The following LGSN variants were observed in gnomAD, a reference collection of about 807,000 sequenced individuals.
LGSN encodes lengsin, lens protein with glutamine synthetase domain.
Under a neutral mutation model 19.5 loss-of-function variants are expected in LGSN, and 21 were observed. That is an observed-to-expected ratio of 1.07 (90% confidence interval 0.76 to 1.55). The LOEUF is 1.55. Among genes scored for constraint, LGSN ranks in the 40% most tolerant of loss-of-function variants. The probability of loss-of-function intolerance (pLI) is 0.00; values close to 1 mark genes in which losing one functional copy is unlikely to be tolerated. For synonymous variants in LGSN, 257 were observed against 215.6 expected (o/e 1.19, Z -1.68); for missense variants, 673 against 608.5 (o/e 1.11, Z -1.12).
the LGSN span, among the ~76,000 whole-genome samples, chr6:63,415,072 CTT>C: frequency 6.6e-6 from 1 of 152,214 alleles, no homozygotes; most frequent in South Asian, 2.1e-4. Context: ...AATTCCAACA[CTT>C]TGGGAGGCTG....
At chr6:63,445,415 C>A in the LGSN span, among the ~76,000 whole-genome samples, 1 of 151,958 alleles carries the variant, frequency 6.6e-6, no homozygotes, top group African/African-American at 2.4e-5. Flanking sequence ...GTCAGGAGCT[C>A]GCGACCAGCC....
intron 1 of LGSN, among the ~76,000 whole-genome samples, chr6:63,307,419 A>G (rs1408889846): frequency 3.3e-5 from 5 of 152,182 alleles, no homozygotes; most frequent in Admixed American, 6.5e-5. Flanking sequence ...CTGGGGTGCT[A>G]GGAAGCTGTA....
chr6:63,342,897 CATTAACCAT>C, the LGSN span, among the ~76,000 whole-genome samples: 1 of 152,156 alleles, frequency 6.6e-6, no homozygotes, highest in African/African-American at 2.4e-5. Context: ...TCACACTGAC[CATTAACCAT>C]ATGGGAGTCA....
chr6:63,384,708 G>A, the LGSN span, among the ~76,000 whole-genome samples: 3 of 152,056 alleles, frequency 2.0e-5, no homozygotes, highest in Non-Finnish European at 4.4e-5. Context: ...GTAGAGACAG[G>A]GTTTCACCAT....
the LGSN span, among the ~76,000 whole-genome samples, chr6:63,392,915 C>CTTTTTTT: frequency 8.9e-6 from 1 of 111,762 alleles, no homozygotes; most frequent in African/African-American, 3.7e-5. Context: ...GATATGGAGT[C>CTTTTTTT]TTGCTCTGTC....
chr6:63,367,756 C>T, the LGSN span, among the ~76,000 whole-genome samples: 1 of 150,178 alleles, frequency 6.7e-6, no homozygotes, highest in East Asian at 1.9e-4. Flanking sequence ...GAATACTATG[C>T]AGCCATAAAA....
chr6:63,423,881 T>C, the LGSN span, among the ~76,000 whole-genome samples: 1 of 151,718 alleles, frequency 6.6e-6, no homozygotes, highest in Non-Finnish European at 1.5e-5. Flanking sequence ...CTACTAAAAA[T>C]ACAAAAAAAT....
chr6:63,321,345 A>C (rs1315498084), upstream of LGSN, among the ~76,000 whole-genome samples: 1 of 152,188 alleles, frequency 6.6e-6, no homozygotes, highest in Non-Finnish European at 1.5e-5. Context: ...TTGTTTCAGA[A>C]ATGTTCCCTT....
At chr6:63,541,532 G>A in the LGSN span, among the ~76,000 whole-genome samples, 3 of 152,100 alleles carry the variant, frequency 2.0e-5, no homozygotes, top group African/African-American at 4.8e-5. Flanking sequence ...CAGCCTGGGC[G>A]ACCTTGTCTC....
chr6:63,318,034 GAAGT>G (rs1351013337), intron 1 of LGSN, among the ~76,000 whole-genome samples: 2 of 149,106 alleles, frequency 1.3e-5, no homozygotes, highest in African/African-American at 2.6e-5. Flanking sequence ...TCTACTTTAA[GAAGT>G]AAGAATGTGT....
At chr6:63,483,857 CATCTACTCTGAGAATCT>C in the LGSN span, among the ~76,000 whole-genome samples, 1 of 151,148 alleles carries the variant, frequency 6.6e-6, no homozygotes, top group Non-Finnish European at 1.5e-5. Context: ...CTCACTCTGT[CATCTACTCTGAGAATCT>C]TTAAAGAAGT....
chr6:63,495,469 T>TTTTGTTTTTTG, the LGSN span, among the ~76,000 whole-genome samples: 1 of 119,306 alleles, frequency 8.4e-6, no homozygotes, highest in Non-Finnish European at 1.6e-5. Context: ...TTTTTTTTTT[T>TTTTGTTTTTTG]TTTTTTTGAG....
In LGSN at chr6:63,280,272, C is replaced by T. The variant is rs775824383; in HGVS notation, c.1279G>A (p.Gly427Ser). The T allele has an allele frequency of 1.5e-5, 25 of 1,614,050 alleles. No individual in the cohort carries two copies. The highest frequency in any genetic ancestry group is 2.7e-5 in the African/African-American group (2 of 74,916). ...YLVLAATVAA[G>S]LDGLHSSNEV... ...TTACTGCTATGAAGTCCATCTAAGC[C>T]GGCAGCAACAGTTGCAGCCAGCACC... The change falls in exon 4 of 4, where the codon GGC (glycine) becomes AGC (serine). Residue 427 changes from glycine (G) to serine (S), a missense_variant. Physicochemically the swap from Gly to Ser is moderately conservative, Grantham distance 56 (BLOSUM62 0). Transcript: ENST00000370657.
chr6:63,559,752 G>GA, the LGSN span, among the ~76,000 whole-genome samples: 327 of 147,428 alleles, frequency 2.2e-3, no homozygotes, highest in Middle Eastern at 0.01. Flanking sequence ...CTCAAAAGAG[G>GA]AAAAAAAAAA....
At chr6:63,403,591 A>C in the LGSN span, among the ~76,000 whole-genome samples, 2 of 152,192 alleles carry the variant, frequency 1.3e-5, no homozygotes, top group Non-Finnish European at 2.9e-5. Flanking sequence ...ACACCAAAAA[A>C]TAGTTTCGGG....
chr6:63,564,472 T>C, the LGSN span, among the ~76,000 whole-genome samples: 1 of 152,172 alleles, frequency 6.6e-6, no homozygotes, highest in Admixed American at 6.5e-5. Flanking sequence ...ATAAATGTTA[T>C]TATGCTTGCA....
At chr6:63,411,915 C>T in the LGSN span, among the ~76,000 whole-genome samples, 14 of 152,142 alleles carry the variant, frequency 9.2e-5, no homozygotes, top group African/African-American at 1.7e-4. Context: ...ATGAACATTT[C>T]GCAATTAAAA....
the LGSN span, among the ~76,000 whole-genome samples, chr6:63,526,912 T>C: frequency 6.6e-6 from 1 of 150,450 alleles, no homozygotes; most frequent in Non-Finnish European, 1.5e-5. Context: ...GACCAAATGT[T>C]GGATTTATAT....
At chr6:63,570,454 C>T in the LGSN span, among the ~76,000 whole-genome samples, 2,660 of 152,246 alleles carry the variant, frequency 0.017, 36 homozygotes, top group Middle Eastern at 0.041. Flanking sequence ...GCTAAGACCC[C>T]CAGGCCACTT....
Sources: allele counts gnomAD v4.1 joint callset (sites outside exome capture counted in the v4.1 genomes callset), GRCh38; gene constraint gnomAD v4.1.1; transcripts MANE v1.5; gene names NCBI Gene and HGNC (gene_info 2026-07-23, HGNC 2026-07-21).